MAN2A1: variants seen among roughly 807,000 people sequenced by gnomAD.
The protein encoded by MAN2A1 is mannosidase alpha class 2A member 1, also known as alpha-mannosidase 2.
A neutral mutation model predicts 142.6 loss-of-function variants in MAN2A1; 76 were observed. The observed-to-expected ratio is 0.53, with a 90% CI of 0.44 to 0.65. MAN2A1 has a LOEUF of 0.65. Among genes scored for constraint, MAN2A1 ranks in the 30% least tolerant of loss-of-function variants. The pLI, the probability that MAN2A1 is intolerant of heterozygous loss-of-function variation, is 0.00. For synonymous variants in MAN2A1, 559 were observed against 473.2 expected (o/e 1.18, Z -2.35); for missense variants, 1,311 against 1,365.1 (o/e 0.96, Z 0.62).
intron 10 of MAN2A1, 106 bp from the exon 11 acceptor site, chr5:109,788,828 A>C: frequency 1.6e-6 from 1 of 616,698 alleles, no homozygotes; most frequent in Non-Finnish European, 2.9e-6. Flanking sequence ...TTCACTTTGA[A>C]TACAAGATGA....
At position 109,770,375 on chromosome 5, in the gene MAN2A1, A is replaced by G; in HGVS notation, c.1030A>G (p.Ile344Val). The G allele has an allele frequency of 1.9e-6, 3 of 1,613,732 alleles. No homozygotes were observed. Among genetic ancestry groups the G allele is most frequent in the South Asian group, 1.1e-5 (1 of 91,054 alleles). ...TTTAGATCTGGGATCTGTCACAGAT[A>G]TTTTATGCCACATGATGCCCTTCTA... ...QNWDLGSVTD[I>V]LCHMMPFYSY... Residue 344 changes from isoleucine (I) to valine (V), a missense_variant, in exon 7 of 22, where the codon ATT becomes GTT. Physicochemically the swap from Ile to Val is conservative, Grantham distance 29 (BLOSUM62 3). Coordinates refer to ENST00000261483, the MANE Select transcript of MAN2A1 (RefSeq NM_002372.4).
chr5:109,693,264 C>G (rs1750723259), intron 1 of MAN2A1, among the ~76,000 whole-genome samples: 1 of 151,984 alleles, frequency 6.6e-6, no homozygotes, highest in Admixed American at 6.5e-5. Context: ...GCATCCAGAA[C>G]TTGAGTTGAT....
intron 5 of MAN2A1, among the ~76,000 whole-genome samples, chr5:109,759,964 TAGATAGATAG>T (rs1424903534): frequency 0.011 from 303 of 28,720 alleles, 3 homozygotes; most frequent in African/African-American, 0.081. Context: ...TATATATATA[TAGATAGATAG>T]ATAGATAGAT....
chr5:109,729,847 T>G (rs1338919734), intron 4 of MAN2A1, among the ~76,000 whole-genome samples: 2 of 151,986 alleles, frequency 1.3e-5, no homozygotes, highest in Non-Finnish European at 2.9e-5. Flanking sequence ...ACAAAAAAAT[T>G]AGCCAGGTGG....
At chr5:109,862,871 G>T (rs916469819) in intron 20 of MAN2A1, 1 of 152,122 alleles carries the variant, frequency 6.6e-6, no homozygotes, top group Non-Finnish European at 1.5e-5. Context: ...TTTTAGTTTT[G>T]AGAGAAAGTA....
At chr5:109,707,338 A>G (rs1159473291) in intron 1 of MAN2A1, among the ~76,000 whole-genome samples, 1 of 152,144 alleles carries the variant, frequency 6.6e-6, no homozygotes, top group Non-Finnish European at 1.5e-5. Flanking sequence ...TTGTATGCCA[A>G]AACATTGAAT....
intron 4 of MAN2A1, among the ~76,000 whole-genome samples, chr5:109,743,587 C>A (rs1175501629): frequency 1.3e-5 from 2 of 152,158 alleles, no homozygotes; most frequent in Non-Finnish European, 2.9e-5. Context: ...CTCTGCCTTT[C>A]CACCTCCCTT....
At chr5:109,837,028 C>T (rs1755074355) in intron 16 of MAN2A1, among the ~76,000 whole-genome samples, 3 of 150,608 alleles carry the variant, frequency 2.0e-5, no homozygotes, top group South Asian at 4.3e-4. Context: ...CATTCCATAA[C>T]ATGGGTGTAT....
chr5:109,691,305 C>A (rs778061186), intron 1 of MAN2A1, among the ~76,000 whole-genome samples: 58 of 152,156 alleles, frequency 3.8e-4, no homozygotes, highest in Admixed American at 1.1e-3. Flanking sequence ...AAAGCGGACA[C>A]AGTCTGTTCC....
chr5:109,770,676 T>A, intron 7 of MAN2A1, 135 bp downstream of exon 7: 1 of 761,192 alleles, frequency 1.3e-6, no homozygotes, highest in Non-Finnish European at 2.1e-6. Flanking sequence ...AAACCAGATC[T>A]AAAGCAACTT....
chr5:109,780,381 G>T (rs1034263116), intron 8 of MAN2A1, among the ~76,000 whole-genome samples: 3 of 152,064 alleles, frequency 2.0e-5, no homozygotes, highest in Non-Finnish European at 4.4e-5. Flanking sequence ...TTTTCTTAGA[G>T]CCCTATTCAC....
intron 4 of MAN2A1, 130 bp from the exon 5 acceptor site, chr5:109,755,199 A>T: frequency 1.5e-6 from 1 of 677,726 alleles, no homozygotes; most frequent in Admixed American, 2.9e-5. Flanking sequence ...TGGTTTAAAC[A>T]CATTTTTTGA....
intron 1 of MAN2A1, among the ~76,000 whole-genome samples, chr5:109,694,770 T>C (rs954544873): frequency 1.3e-5 from 2 of 152,178 alleles, no homozygotes; most frequent in Non-Finnish European, 2.9e-5. Context: ...AGTTGACTCA[T>C]GGCAATACAT....
intron 14 of MAN2A1, 134 bp from the exon 15 acceptor site, chr5:109,820,086 G>A (rs7737286): frequency 0.55 from 465,725 of 849,396 alleles, 130,925 homozygotes; most frequent in East Asian, 0.89. Flanking sequence ...GCGCTACTCC[G>A]TGGTCTGTGT....
At chr5:109,835,592 C>T (rs1215327558) in intron 16 of MAN2A1, among the ~76,000 whole-genome samples, 4 of 152,134 alleles carry the variant, frequency 2.6e-5, no homozygotes, top group African/African-American at 9.7e-5. Context: ...TTGCTATTGT[C>T]CCTCTTGATC....
intron 12 of MAN2A1, among the ~76,000 whole-genome samples, chr5:109,811,398 C>T (rs1754313501): frequency 6.6e-6 from 1 of 152,002 alleles, no homozygotes; most frequent in Admixed American, 6.6e-5. Context: ...GAGAGTTGTG[C>T]TTTTGCATTA....
At chr5:109,804,457 A>G (rs1647515232) in intron 12 of MAN2A1, among the ~76,000 whole-genome samples, 1 of 152,078 alleles carries the variant, frequency 6.6e-6, no homozygotes, top group South Asian at 2.1e-4. Flanking sequence ...TATATACTCA[A>G]AATATTACAG....
At chr5:109,842,276 G>C (rs539648704) in intron 16 of MAN2A1, 52 bp from the exon 17 acceptor site, 1 of 1,240,484 alleles carries the variant, frequency 8.1e-7, no homozygotes, top group African/African-American at 1.5e-5. Context: ...TTTCAAAAAG[G>C]TGAGGCAAGT....
Position 109,867,050 on chromosome 5 carries a change from G to A in MAN2A1, c.*52G>A. ...ATCATTGGCTTTTATACCTTTCTTG[G>A]TTTGACGTGCAATAAAGAAGCACAT... On this transcript the variant is annotated 3_prime_UTR_variant, in exon 22 of 22. Coordinates refer to ENST00000261483, the MANE Select transcript of MAN2A1 (RefSeq NM_002372.4). The A allele has an allele frequency of 6.8e-7, 1 of 1,462,868 alleles. No homozygotes were observed. The highest frequency in any genetic ancestry group is 9.3e-7 in the Non-Finnish European group (1 of 1,076,068). The allele number at this position is 1,462,868 out of a possible 1,614,324, so 90.6% of individuals were successfully genotyped here.
Sources: gnomAD v4.1 joint callset for allele counts (sites outside exome capture counted in the v4.1 genomes callset) on GRCh38, gnomAD v4.1.1 for gene constraint, MANE v1.5 for transcripts, NCBI Gene and HGNC (gene_info 2026-07-23, HGNC 2026-07-21) for gene names.